The following PTPRD variants were observed in gnomAD, a reference collection of about 807,000 sequenced individuals.
PTPRD encodes receptor-type tyrosine-protein phosphatase delta.
A neutral mutation model predicts 214.5 loss-of-function variants in PTPRD; 34 were observed. The observed-to-expected ratio is 0.16, with a 90% CI of 0.12 to 0.21. The LOEUF is 0.21. Ranked by LOEUF, PTPRD falls within the 10% of genes least tolerant of loss-of-function variation. The pLI, the probability that PTPRD is intolerant of heterozygous loss-of-function variation, is 1.00. For missense variants in PTPRD, 2,545 were observed against 2,398.7 expected, an observed-to-expected ratio of 1.06 and a Z score of -1.27; for synonymous variants, 1,128 against 845.7, an observed-to-expected ratio of 1.33 and a Z score of -5.79.
At chr9:10,304,887 C>T (rs1383530049) in intron 3 of PTPRD, among the ~76,000 whole-genome samples, 1 of 152,182 alleles carries the variant, frequency 6.6e-6, no homozygotes, top group Non-Finnish European at 1.5e-5. Context: ...TGACTTTCTT[C>T]ACAGAATTGG....
chr9:10,022,953 T>C (rs931758896), intron 4 of PTPRD, among the ~76,000 whole-genome samples: 2 of 152,216 alleles, frequency 1.3e-5, no homozygotes, highest in Non-Finnish European at 2.9e-5. Flanking sequence ...TATACTGGCT[T>C]TATATAAAGC....
At chr9:8,818,990 T>C (rs974909981) in intron 11 of PTPRD, among the ~76,000 whole-genome samples, 1 of 152,182 alleles carries the variant, frequency 6.6e-6, no homozygotes, top group African/African-American at 2.4e-5. Flanking sequence ...CTAGTTGCAA[T>C]GTTCGACTAC....
At chr9:10,076,957 A>G (rs989314440) in intron 3 of PTPRD, among the ~76,000 whole-genome samples, 1 of 152,174 alleles carries the variant, frequency 6.6e-6, no homozygotes, top group African/African-American at 2.4e-5. Flanking sequence ...AGCTTGGTAC[A>G]CACTATGTAC....
At chr9:9,626,594 G>A (rs1415642999) in intron 7 of PTPRD, among the ~76,000 whole-genome samples, 5 of 152,106 alleles carry the variant, frequency 3.3e-5, no homozygotes, top group Non-Finnish European at 7.4e-5. Flanking sequence ...AAAGAAAGGT[G>A]ATTTTTCTTA....
At chr9:9,024,940 A>G (rs966188738) in intron 10 of PTPRD, among the ~76,000 whole-genome samples, 1 of 152,052 alleles carries the variant, frequency 6.6e-6, no homozygotes, top group African/African-American at 2.4e-5. Context: ...CTAGATGCAA[A>G]AGTGATTACA....
intron 12 of PTPRD, among the ~76,000 whole-genome samples, chr9:8,692,609 T>C (rs1019093343): frequency 4.6e-5 from 7 of 152,212 alleles, no homozygotes; most frequent in Non-Finnish European, 7.4e-5. Flanking sequence ...AAATGGCATA[T>C]TGAAATTAGC....
At chr9:8,817,417 C>T (rs2096942465) in intron 11 of PTPRD, among the ~76,000 whole-genome samples, 1 of 151,924 alleles carries the variant, frequency 6.6e-6, no homozygotes, top group South Asian at 2.1e-4. Context: ...GAAAACACAC[C>T]CAGCCTGGAC....
intron 11 of PTPRD, among the ~76,000 whole-genome samples, chr9:8,802,335 T>C (rs1356995664): frequency 3.3e-5 from 5 of 152,280 alleles, no homozygotes; most frequent in African/African-American, 9.6e-5. Flanking sequence ...ATCACAGGGA[T>C]CCTGAGGTTG....
chr9:8,644,990 A>G (rs2096656867), intron 12 of PTPRD, among the ~76,000 whole-genome samples: 1 of 152,252 alleles, frequency 6.6e-6, no homozygotes, highest in Non-Finnish European at 1.5e-5. Flanking sequence ...CACCCCAAAG[A>G]TCTTGTAACA....
At chr9:9,068,468 G>A (rs965259520) in intron 10 of PTPRD, among the ~76,000 whole-genome samples, 1 of 151,948 alleles carries the variant, frequency 6.6e-6, no homozygotes, top group Non-Finnish European at 1.5e-5. Context: ...CAATGCATAT[G>A]CAATCTTTGG....
chr9:8,401,364 C>A (rs1353995896), intron 36 of PTPRD, among the ~76,000 whole-genome samples: 1 of 152,042 alleles, frequency 6.6e-6, no homozygotes, highest in African/African-American at 2.4e-5. Flanking sequence ...TAACTCATTA[C>A]AATAAATCCT....
intron 14 of PTPRD, among the ~76,000 whole-genome samples, chr9:8,554,374 T>C (rs1452447279): frequency 1.3e-5 from 2 of 152,140 alleles, no homozygotes; most frequent in African/African-American, 2.4e-5. Context: ...GATTTTAATA[T>C]AGAAATATTT....
chr9:8,359,186 T>A (rs1307019451), intron 39 of PTPRD, among the ~76,000 whole-genome samples: 3 of 146,678 alleles, frequency 2.0e-5, no homozygotes, highest in Non-Finnish European at 1.5e-5. Flanking sequence ...ATCTTAGAGA[T>A]CTGGTGGTTC....
chr9:10,430,353 T>G (rs1261192683), intron 2 of PTPRD, among the ~76,000 whole-genome samples: 1 of 151,966 alleles, frequency 6.6e-6, no homozygotes, highest in Non-Finnish European at 1.5e-5. Context: ...AATGAGTTTT[T>G]GCAACATTGA....
At chr9:10,027,107 G>C (rs1490062138) in intron 4 of PTPRD, among the ~76,000 whole-genome samples, 2 of 152,116 alleles carry the variant, frequency 1.3e-5, no homozygotes, top group Non-Finnish European at 2.9e-5. Context: ...GCCATTGATA[G>C]GAATTAGAGT....
intron 4 of PTPRD, among the ~76,000 whole-genome samples, chr9:9,942,562 T>C (rs758394937): frequency 5.3e-5 from 8 of 152,140 alleles, no homozygotes; most frequent in Admixed American, 1.3e-4. Context: ...TCAGATATAG[T>C]GCCCAATTTC....
rs140890892 is a variant in PTPRD at position 10,330,671 on chromosome 9, C to T, written c.-545+10292G>A. On this transcript the variant is annotated intron_variant, in intron 3 of 45. Transcript: ENST00000381196. The stretch of plus-strand genomic sequence containing the variant: ...TTTGGCCACAAGAGATATTTGCACA[C>T]GATTTTGTAAGTAGAGAAGTGGTAG... Among the ~76,000 whole-genome samples the T allele has an allele frequency of 1.6e-3, 238 of 151,886 alleles. 2 individuals are homozygous for T. Among genetic ancestry groups the T allele is most frequent in the African/African-American group, 5.3e-3 (219 of 41,498 alleles).
chr9:9,319,378 T>G (rs1442959148), intron 9 of PTPRD, among the ~76,000 whole-genome samples: 3 of 152,168 alleles, frequency 2.0e-5, no homozygotes, highest in Non-Finnish European at 4.4e-5. Context: ...ATTCTTCTTG[T>G]TATGTAATAA....
intron 8 of PTPRD, among the ~76,000 whole-genome samples, chr9:9,438,668 G>T (rs117488151): frequency 0.014 from 2,077 of 152,030 alleles, 18 homozygotes; most frequent in Non-Finnish European, 0.021. Flanking sequence ...GACTACTACT[G>T]GATATTATGA....
Sources: gnomAD v4.1 joint callset for allele counts (sites outside exome capture counted in the v4.1 genomes callset) on GRCh38, gnomAD v4.1.1 for gene constraint, MANE v1.5 for transcripts, NCBI Gene and HGNC (gene_info 2026-07-23, HGNC 2026-07-21) for gene names.